Variants in GRIA4 observed in about 807,000 individuals in gnomAD.
GRIA4 encodes the protein glutamate ionotropic receptor AMPA type subunit 4, also known as glutamate receptor 4.
A neutral mutation model predicts 104.0 loss-of-function variants in GRIA4; 34 were observed. The observed-to-expected ratio is 0.33, with a 90% CI of 0.25 to 0.44. GRIA4 has a LOEUF of 0.44. Ranked by LOEUF, GRIA4 falls within the 20% of genes least tolerant of loss-of-function variation. The probability of loss-of-function intolerance (pLI) is 1.00; values close to 1 mark genes in which losing one functional copy is unlikely to be tolerated. For synonymous variants in GRIA4, 386 were observed against 381.9 expected (o/e 1.01, Z -0.13); for missense variants, 750 against 1,096.5 (o/e 0.68, Z 4.46).
rs1491233394 is a variant in GRIA4 at position 105,981,590 on chromosome 11, CAA to C, written c.*1852_*1853del. ...ACACACACACACACACACACACACA[CAA>C]GTCCCTCAGGAAAAATTCCAAGCTC... On this transcript the variant is annotated 3_prime_UTR_variant, in exon 17 of 17. Transcript: ENST00000282499. The C allele has an allele frequency of 2.6e-5, 4 of 153,782 alleles. No homozygotes were observed. The highest frequency in any genetic ancestry group is 7.3e-5 in the African/African-American group (3 of 41,142). 9.5% of individuals were successfully genotyped at this position (153,782 alleles called of 1,614,324 possible).
intron 10 of GRIA4, chr11:105,913,283 A>T: frequency 2.0e-6 from 1 of 511,718 alleles, no homozygotes; most frequent in Non-Finnish European, 2.5e-6. Flanking sequence ...AATATAATGT[A>T]GTGTTAGCTT....
intron 5 of GRIA4, among the ~76,000 whole-genome samples, chr11:105,877,624 C>A (rs1945881185): frequency 6.6e-6 from 1 of 152,124 alleles, no homozygotes; most frequent in Admixed American, 6.5e-5. Flanking sequence ...TCTTTTTTCT[C>A]TAACCTTGTA....
intron 4 of GRIA4, among the ~76,000 whole-genome samples, chr11:105,840,529 G>C (rs1405041909): frequency 6.6e-6 from 1 of 152,178 alleles, no homozygotes; most frequent in Non-Finnish European, 1.5e-5. Context: ...TATATCTGCA[G>C]TATGTGTGTG....
intron 3 of GRIA4, among the ~76,000 whole-genome samples, chr11:105,633,462 C>A (rs1951090878): frequency 6.6e-6 from 1 of 152,036 alleles, no homozygotes; most frequent in Non-Finnish European, 1.5e-5. Flanking sequence ...TTGTTGTAAA[C>A]CCTTAGTAAA....
intron 3 of GRIA4, among the ~76,000 whole-genome samples, chr11:105,656,873 G>A (rs763287652): frequency 6.6e-6 from 1 of 151,970 alleles, no homozygotes; most frequent in Non-Finnish European, 1.5e-5. Context: ...ATGAGCTAAT[G>A]GGTGGAAGAC....
At chr11:105,826,375 C>T (rs954773373) in intron 4 of GRIA4, among the ~76,000 whole-genome samples, 1 of 152,046 alleles carries the variant, frequency 6.6e-6, no homozygotes, top group African/African-American at 2.4e-5. Flanking sequence ...GCAGTAAGAG[C>T]CTGACAACTA....
At chr11:105,794,237 TAGA>T (rs1565240850) in intron 4 of GRIA4, among the ~76,000 whole-genome samples, 1 of 151,452 alleles carries the variant, frequency 6.6e-6, no homozygotes, top group Non-Finnish European at 1.5e-5. Context: ...TTATTGATCT[TAGA>T]AGAAGACAAA....
intron 4 of GRIA4, among the ~76,000 whole-genome samples, chr11:105,756,300 G>A (rs912955615): frequency 2.0e-5 from 3 of 152,090 alleles, no homozygotes; most frequent in African/African-American, 7.2e-5. Context: ...CTGTATACCT[G>A]TCAAGTGGAT....
chr11:105,718,835 T>A (rs899047205), intron 3 of GRIA4, among the ~76,000 whole-genome samples: 1 of 152,064 alleles, frequency 6.6e-6, no homozygotes, highest in African/African-American at 2.4e-5. Context: ...AGTATTGAAA[T>A]GGAAAAGATT....
chr11:105,774,375 T>A (rs890213366), intron 4 of GRIA4, among the ~76,000 whole-genome samples: 2 of 151,906 alleles, frequency 1.3e-5, no homozygotes, highest in Non-Finnish European at 2.9e-5. Flanking sequence ...AAAGTAAATC[T>A]ACTACATGTA....
At chr11:105,931,026 T>C (rs1214165200) in intron 13 of GRIA4, among the ~76,000 whole-genome samples, 2 of 152,112 alleles carry the variant, frequency 1.3e-5, no homozygotes, top group Non-Finnish European at 2.9e-5. Flanking sequence ...ACAACCTGTA[T>C]CAAGTGAATC....
intron 3 of GRIA4, among the ~76,000 whole-genome samples, chr11:105,674,593 GA>G (rs1325601934): frequency 1.3e-5 from 2 of 151,700 alleles, no homozygotes; most frequent in African/African-American, 4.8e-5. Flanking sequence ...CCATTTACCC[GA>G]AAATTTGGAA....
chr11:105,712,813 A>C (rs1462374708), intron 3 of GRIA4, among the ~76,000 whole-genome samples: 1 of 151,986 alleles, frequency 6.6e-6, no homozygotes, highest in Non-Finnish European at 1.5e-5. Flanking sequence ...GCCATTCCTC[A>C]TAACTAGTGA....
At chr11:105,860,069 GA>G (rs1945163084) in intron 4 of GRIA4, among the ~76,000 whole-genome samples, 1 of 152,114 alleles carries the variant, frequency 6.6e-6, no homozygotes, top group Non-Finnish European at 1.5e-5. Flanking sequence ...ATTACAAAAG[GA>G]AAGACTAAAT....
In GRIA4 at chr11:105,710,215, G is replaced by A. The variant is rs966633285; in HGVS notation, c.248-42766G>A. On this transcript the variant is annotated intron_variant, in intron 3 of 16. Coordinates refer to ENST00000282499, the MANE Select transcript of GRIA4 (RefSeq NM_000829.4). ...TTACCTTGCTGCGATACATGTCCTC[G>A]TGAGACCTGGGGTCAGGGTGTGAGA... Among the ~76,000 whole-genome samples, 3 of 151,986 alleles carry A rather than the reference G, an allele frequency of 2.0e-5. No homozygotes were observed. The East Asian group carries it at 5.8e-4, about 29-fold the overall frequency.
At chr11:105,890,877 G>A (rs1002171647) in intron 6 of GRIA4, among the ~76,000 whole-genome samples, 6 of 152,152 alleles carry the variant, frequency 3.9e-5, no homozygotes, top group African/African-American at 1.4e-4. Flanking sequence ...AGATTGCTGC[G>A]ATTCTTTTTT....
intron 5 of GRIA4, among the ~76,000 whole-genome samples, chr11:105,875,892 T>C (rs1945801639): frequency 7.2e-6 from 1 of 138,276 alleles, no homozygotes; most frequent in African/African-American, 2.5e-5. Context: ...TTTTTAATGG[T>C]TTTTTTGTGT....
intron 3 of GRIA4, among the ~76,000 whole-genome samples, chr11:105,644,279 T>C (rs565495206): frequency 5.0e-4 from 76 of 152,184 alleles, no homozygotes; most frequent in African/African-American, 1.7e-3. Flanking sequence ...CAGTGGTCTA[T>C]AATTGTTGAG....
intron 3 of GRIA4, among the ~76,000 whole-genome samples, chr11:105,748,401 C>T (rs1319028843): frequency 2.0e-5 from 3 of 150,388 alleles, no homozygotes; most frequent in Non-Finnish European, 4.4e-5. Context: ...TTTTTTGAGA[C>T]GGAGTTTTGC....
Sources: allele counts gnomAD v4.1 joint callset (sites outside exome capture counted in the v4.1 genomes callset), GRCh38; gene constraint gnomAD v4.1.1; transcripts MANE v1.5; gene names NCBI Gene and HGNC (gene_info 2026-07-23, HGNC 2026-07-21).